The following POLE4 variants were observed in gnomAD, a reference collection of about 807,000 sequenced individuals.
The protein encoded by POLE4 is DNA polymerase epsilon subunit 4.
In POLE4, 15 loss-of-function variants were observed where a neutral mutation model predicts 15.6. The ratio of observed to expected loss-of-function variants is 0.96; its 90% CI spans 0.64 to 1.48. The LOEUF (loss-of-function observed/expected upper bound fraction) is 1.48. Among genes scored for constraint, POLE4 ranks in the 40% most tolerant of loss-of-function variants. The probability of loss-of-function intolerance (pLI) is 0.00; values close to 1 mark genes in which losing one functional copy is unlikely to be tolerated. For missense variants in POLE4, 205 were observed against 151.9 expected, an observed-to-expected ratio of 1.35 and a Z score of -1.84; for synonymous variants, 83 against 63.2, an observed-to-expected ratio of 1.31 and a Z score of -1.49.
At chr2:74,962,253 C>G (rs1671229964) in intron 3 of POLE4, among the ~76,000 whole-genome samples, 1 of 152,070 alleles carries the variant, frequency 6.6e-6, no homozygotes, top group South Asian at 2.1e-4. Context: ...TTGTTGTGTC[C>G]AATTTTTAAT....
In POLE4 at chr2:74,960,126, A is replaced by C; in HGVS notation, c.320A>C (p.Asp107Ala). ...RDLDNAIEAV[D>A]EFAFLEGTLD ...TCAGATAATGCAATAGAAGCTGTGG[A>C]TGAATTTGCTTTTCTGGAAGGTGAG... The change falls in exon 3 of 4, where the codon GAT becomes GCT. Residue 107 changes from aspartate (D) to alanine (A), a missense_variant. Physicochemically the swap from Asp to Ala is moderately radical, Grantham distance 126 (BLOSUM62 -2). Transcript: ENST00000483063. 6.2e-7 allele frequency: 1 copy of C among 1,613,884 alleles called. No individual in the cohort carries two copies. Among genetic ancestry groups the C allele is most frequent in the Non-Finnish European group, 8.5e-7 (1 of 1,179,816 alleles).
intron 1 of POLE4, 23 bp downstream of exon 1, chr2:74,958,915 T>C (rs778468592): frequency 2.6e-6 from 4 of 1,542,452 alleles, no homozygotes; most frequent in Admixed American, 3.9e-5. Context: ...CGCGAGGGCA[T>C]GCGGGAGTGG....
In POLE4 at chr2:74,969,335, A is replaced by G. The variant is rs1291758470; in HGVS notation, c.341-74A>G. 2.9e-6 allele frequency: 4 copies of G among 1,386,472 alleles called. No homozygotes were observed. The African/African-American group carries it at 4.3e-5, about 15-fold the overall frequency. 85.9% of individuals were successfully genotyped at this position (1,386,472 alleles called of 1,614,324 possible). ...CCAATACCGGAGCCTCTTCTGCATTAAGTTTGCCCAGCTTGTTACACTAAT... is the reference window on the plus strand; with the variant it reads ...CCAATACCGGAGCCTCTTCTGCATTGAGTTTGCCCAGCTTGTTACACTAAT... On this transcript the variant is annotated intron_variant, in intron 3 of 3. Transcript: ENST00000483063.
chr2:74,962,610 A>T (rs13402369), intron 3 of POLE4, among the ~76,000 whole-genome samples: 73,462 of 151,992 alleles, frequency 0.48, 18,327 homozygotes, highest in Middle Eastern at 0.66. Flanking sequence ...TTTCTAAGTC[A>T]TATGAAATAC....
At chr2:74,961,828 C>T (rs1247250733) in intron 3 of POLE4, among the ~76,000 whole-genome samples, 1 of 152,180 alleles carries the variant, frequency 6.6e-6, no homozygotes, top group East Asian at 1.9e-4. Context: ...ATCATAGCCC[C>T]TGTGGATTCA....
At chr2:74,964,051 T>C (rs760850538) in intron 3 of POLE4, among the ~76,000 whole-genome samples, 4 of 152,204 alleles carry the variant, frequency 2.6e-5, no homozygotes, top group Non-Finnish European at 5.9e-5. Context: ...TTTTTGTGTA[T>C]TGGGTTGGGG....
chr2:74,963,525 G>T (rs765642004), intron 3 of POLE4, among the ~76,000 whole-genome samples: 1 of 150,342 alleles, frequency 6.7e-6, no homozygotes, highest in East Asian at 1.9e-4. Flanking sequence ...TTTTTTTGAC[G>T]TGGAGTCTTG....
chr2:74,969,397 TTGTA>T lies in POLE4; in HGVS notation c.341-8_341-5del. The T allele has an allele frequency of 6.2e-7, 1 of 1,613,606 alleles. No homozygotes were observed. Among genetic ancestry groups the T allele is most frequent in the Non-Finnish European group, 8.5e-7 (1 of 1,179,526 alleles). ...GGTCCCCTGATATACTCATTGCTCTTTGTATGTTTAGGTACTTTAGATTGATTGC... is the reference window on the plus strand; with the variant it reads ...GGTCCCCTGATATACTCATTGCTCTTTGTTTAGGTACTTTAGATTGATTGC... On this transcript the variant is annotated splice_region_variant and splice_polypyrimidine_tract_variant and intron_variant, in intron 3 of 3. Coordinates refer to ENST00000483063, the MANE Select transcript of POLE4 (RefSeq NM_019896.4).
In POLE4 at chr2:74,969,399, GTATGTT is replaced by G. The variant is rs1671338903; in HGVS notation, c.341-7_341-2del. The G allele has an allele frequency of 6.2e-7, 1 of 1,613,670 alleles. No homozygotes were observed. Among genetic ancestry groups the G allele is most frequent in the Non-Finnish European group, 8.5e-7 (1 of 1,179,614 alleles). ...TCCCCTGATATACTCATTGCTCTTT[GTATGTT>G]TAGGTACTTTAGATTGATTGCCGAG... On this transcript the variant is annotated splice_region_variant and splice_polypyrimidine_tract_variant and intron_variant, in intron 3 of 3. Coordinates refer to ENST00000483063, the MANE Select transcript of POLE4 (RefSeq NM_019896.4).
chr2:74,960,854 C>T (rs1184121092), intron 3 of POLE4, among the ~76,000 whole-genome samples: 4 of 152,192 alleles, frequency 2.6e-5, no homozygotes, highest in Non-Finnish European at 5.9e-5. Flanking sequence ...GTGGTCATAA[C>T]ATCCTAATGA....
At position 74,959,413 on chromosome 2, in the gene POLE4, A is replaced by G; in HGVS notation, c.286A>G (p.Arg96Gly). ...AQQGKRKTLQ[R>G]RDLDNAIEAV... is the part of the protein sequence containing the mutation. ...GCAGGGAAAAAGGAAAACCCTTCAG[A>G]GGAGAGACTTGGGTAGAGTGGCACT... Residue 96 changes from arginine to glycine, a missense_variant, in exon 2 of 4, where the codon AGG (arginine) becomes GGG (glycine). By Grantham distance (125) the Arg-to-Gly change is moderately radical. Coordinates refer to ENST00000483063, the MANE Select transcript of POLE4 (RefSeq NM_019896.4). The G allele has an allele frequency of 6.2e-7, 1 of 1,610,060 alleles. No individual in the cohort carries two copies. Among genetic ancestry groups the G allele is most frequent in the Middle Eastern group, 1.7e-4 (1 of 6,058 alleles).
At chr2:74,965,831 T>C (rs1671286438) in intron 3 of POLE4, among the ~76,000 whole-genome samples, 1 of 152,206 alleles carries the variant, frequency 6.6e-6, no homozygotes, top group African/African-American at 2.4e-5. Flanking sequence ...TTAGTTAGTA[T>C]TTATTTGCAC....
chr2:74,967,157 A>G (rs563451633), intron 3 of POLE4, among the ~76,000 whole-genome samples: 6 of 152,220 alleles, frequency 3.9e-5, no homozygotes, highest in Middle Eastern at 6.8e-3. Flanking sequence ...CTCTTCAGCT[A>G]TTGGCTCTGC....
chr2:74,962,837 A>G (rs1010878084), intron 3 of POLE4, among the ~76,000 whole-genome samples: 4 of 152,166 alleles, frequency 2.6e-5, no homozygotes, highest in Non-Finnish European at 5.9e-5. Context: ...TTACTATATA[A>G]GCATGCATCC....
At chr2:74,960,510 C>G (rs1016832448) in intron 3 of POLE4, 2 of 475,020 alleles carry the variant, frequency 4.2e-6, no homozygotes, top group Admixed American at 2.4e-5. Flanking sequence ...AAAGGGTCAC[C>G]GCTTGTTCTT....
intron 3 of POLE4, among the ~76,000 whole-genome samples, chr2:74,966,960 T>C (rs1042310209): frequency 6.6e-6 from 1 of 152,216 alleles, no homozygotes; most frequent in Non-Finnish European, 1.5e-5. Flanking sequence ...AAATTACCTG[T>C]TTGTAATTCT....
At chr2:74,963,488 G>C (rs746689177) in intron 3 of POLE4, among the ~76,000 whole-genome samples, 2 of 151,886 alleles carry the variant, frequency 1.3e-5, no homozygotes, top group Non-Finnish European at 2.9e-5. Context: ...AATGCTTGCT[G>C]TATTTTATTT....
chr2:74,958,815 G>C lies in POLE4; in HGVS notation c.136G>C (p.Val46Leu), dbSNP rs750910132. The change falls in exon 1 of 4, where the codon GTG becomes CTG. Residue 46 changes from valine to leucine, a missense_variant. Coordinates refer to ENST00000483063, the MANE Select transcript of POLE4 (RefSeq NM_019896.4). ...ARLSRLPLAR[V>L]KALVKADPDV... Reference sequence around the variant, plus strand: ...TCTCTCGAGGTTGCCTCTGGCGCGAGTGAAGGCCTTGGTGAAGGCAGATCC... The same window carrying C: ...TCTCTCGAGGTTGCCTCTGGCGCGACTGAAGGCCTTGGTGAAGGCAGATCC... 62 of 1,557,326 alleles carry C rather than the reference G, an allele frequency of 4.0e-5. No individual in the cohort carries two copies. In the South Asian group the frequency reaches 7.0e-4, roughly 18 times the overall value.
At position 74,969,711 on chromosome 2, in the gene POLE4, T is replaced by TA. The variant is rs1480013987; in HGVS notation, c.*292dup. 2 of 465,964 alleles carry TA rather than the reference T, an allele frequency of 4.3e-6. No homozygotes were observed. Among genetic ancestry groups the TA allele is most frequent in the African/African-American group, 1.9e-5 (1 of 51,514 alleles). 28.9% of individuals were successfully genotyped at this position (465,964 alleles called of 1,614,324 possible). ...GCTTCCTGAATGATGAGGACCAGAA[T>TA]AAAGGTTTTTGATCAACCTCAGTCC... On this transcript the variant is annotated 3_prime_UTR_variant, in exon 4 of 4. Coordinates refer to ENST00000483063, the MANE Select transcript of POLE4 (RefSeq NM_019896.4).
Sources: allele counts gnomAD v4.1 joint callset (sites outside exome capture counted in the v4.1 genomes callset), GRCh38; gene constraint gnomAD v4.1.1; transcripts MANE v1.5; gene names NCBI Gene and HGNC (gene_info 2026-07-23, HGNC 2026-07-21).